PDE10A: variants seen among roughly 807,000 people sequenced by gnomAD.
PDE10A encodes the protein phosphodiesterase 10A.
PDE10A carries 39 observed loss-of-function variants against 97.7 expected under a neutral mutation model. The ratio of observed to expected loss-of-function variants is 0.40; its 90% confidence interval spans 0.31 to 0.52. The LOEUF is 0.52. PDE10A is among the 20% of genes least tolerant of loss of function. The pLI, the probability that PDE10A is intolerant of heterozygous loss-of-function variation, is 0.56. For missense variants in PDE10A, 731 were observed against 1,047.8 expected (o/e 0.70, Z 4.17); for synonymous variants, 371 against 376.8 (o/e 0.98, Z 0.18).
chr6:165,712,520 C>G (rs1429791128), intron 1 of PDE10A, among the ~76,000 whole-genome samples: 1 of 151,970 alleles, frequency 6.6e-6, no homozygotes, highest in African/African-American at 2.4e-5. Flanking sequence ...TGTGAAACAC[C>G]AAAGCGGCCT....
intron 17 of PDE10A, among the ~76,000 whole-genome samples, chr6:165,385,350 G>A (rs988801410): frequency 1.3e-5 from 2 of 151,998 alleles, no homozygotes; most frequent in African/African-American, 4.8e-5. Context: ...CTGAATACAG[G>A]GTTCAACTGC....
intron 13 of PDE10A, among the ~76,000 whole-genome samples, chr6:165,411,974 C>T (rs183694778): frequency 2.6e-3 from 399 of 152,062 alleles, no homozygotes; most frequent in African/African-American, 9.2e-3. Context: ...AATTCACGAA[C>T]AGTTATATTA....
rs77959019 is a variant in PDE10A at position 165,766,561 on chromosome 6, G to C, written c.-615+220968C>G. On this transcript the variant is annotated intron_variant, in intron 1 of 19. Transcript: ENST00000366882. ...GGTCAATCTTCCGTGGGATTGTTTT[G>C]CTTTTGCAAACTGGTCAAGTTCCTT... is the stretch of plus-strand genomic sequence containing the variant. Among the ~76,000 whole-genome samples, 813 of 152,310 alleles carry C rather than the reference G, an allele frequency of 5.3e-3. 10 individuals are homozygous for C. Among genetic ancestry groups the C allele is most frequent in the African/African-American group, 0.019 (771 of 41,570 alleles).
intron 2 of PDE10A, among the ~76,000 whole-genome samples, chr6:165,497,958 T>C (rs973614653): frequency 7.2e-5 from 11 of 152,328 alleles, no homozygotes; most frequent in Admixed American, 6.5e-4. Context: ...AAAATGGCTA[T>C]TTATAAACAT....
intron 18 of PDE10A, among the ~76,000 whole-genome samples, chr6:165,361,687 T>C (rs1413630151): frequency 6.6e-6 from 1 of 152,164 alleles, no homozygotes; most frequent in African/African-American, 2.4e-5. Flanking sequence ...TGGCATGTGA[T>C]GATGGAGGCA....
intron 1 of PDE10A, among the ~76,000 whole-genome samples, chr6:165,606,782 G>A (rs1482807199): frequency 2.0e-5 from 3 of 152,248 alleles, no homozygotes; most frequent in East Asian, 1.9e-4. Flanking sequence ...AGCATCTGCG[G>A]CTTGGTGTGA....
At chr6:165,452,285 A>G (rs1791351675) in intron 3 of PDE10A, among the ~76,000 whole-genome samples, 1 of 152,248 alleles carries the variant, frequency 6.6e-6, no homozygotes. Context: ...TGTCAGCACA[A>G]CCAACAGAAG....
At chr6:165,333,798 C>G (rs1400355612) in intron 21 of PDE10A, among the ~76,000 whole-genome samples, 1 of 152,198 alleles carries the variant, frequency 6.6e-6, no homozygotes, top group African/African-American at 2.4e-5. Context: ...ACTGCGTGAT[C>G]ACAACCACTG....
intron 1 of PDE10A, among the ~76,000 whole-genome samples, chr6:165,959,748 C>G (rs1251857821): frequency 1.3e-5 from 2 of 152,134 alleles, no homozygotes; most frequent in African/African-American, 2.4e-5. Context: ...AGAGGGCCCT[C>G]TCTCCCACTT....
intron 16 of PDE10A, among the ~76,000 whole-genome samples, chr6:165,390,287 G>A (rs1394381487): frequency 1.3e-5 from 2 of 152,216 alleles, no homozygotes; most frequent in Non-Finnish European, 2.9e-5. Context: ...CTCGCAAGGT[G>A]TGGGTCACTG....
intron 2 of PDE10A, among the ~76,000 whole-genome samples, chr6:165,538,446 G>A (rs962298094): frequency 2.0e-5 from 3 of 151,918 alleles, no homozygotes; most frequent in African/African-American, 7.3e-5. Context: ...AATGATTGTG[G>A]GTTCATCAAT....
rs1381142075 is a variant in PDE10A at position 165,662,341 on chromosome 6, G to A, written c.471C>T (p.Gly157=). The A allele has an allele frequency of 1.2e-5, 2 of 163,746 alleles. No individual in the cohort carries two copies. Among genetic ancestry groups the A allele is most frequent in the Non-Finnish European group, 2.5e-5 (2 of 78,452 alleles). The allele number at this position is 163,746 out of a possible 1,614,324, so 10.1% of individuals were successfully genotyped here. The change falls in exon 1 of 22, where the codon GGC becomes GGT. Residue 157 remains glycine, a synonymous_variant. Transcript: ENST00000539869. The part of the protein sequence containing the change: ...GAAAAAAAGG[G]GDAGGGGGGG... Reference sequence around the variant, plus strand: ...CTCCTCCTCCTCCGCCAGCATCGCCGCCTCCTCCCGCCGCCGCCGCCGCCG... The same window carrying A: ...CTCCTCCTCCTCCGCCAGCATCGCCACCTCCTCCCGCCGCCGCCGCCGCCG...
intron 1 of PDE10A, among the ~76,000 whole-genome samples, chr6:165,675,252 G>A (rs1790762329): frequency 6.6e-6 from 1 of 152,020 alleles, no homozygotes; most frequent in Non-Finnish European, 1.5e-5. Flanking sequence ...TGTTTTTGTT[G>A]AACATGTGCT....
chr6:165,508,238 A>G (rs553609359), intron 2 of PDE10A, among the ~76,000 whole-genome samples: 4 of 152,180 alleles, frequency 2.6e-5, no homozygotes, highest in African/African-American at 9.6e-5. Context: ...TGCCATCCCA[A>G]GCAACCATTG....
At chr6:165,361,820 G>T (rs547737033) in intron 18 of PDE10A, among the ~76,000 whole-genome samples, 10 of 152,058 alleles carry the variant, frequency 6.6e-5, no homozygotes, top group Non-Finnish European at 1.3e-4. Flanking sequence ...CAACGTTGCC[G>T]GTACCTTGAT....
chr6:165,436,210 G>A (rs1261827085), intron 5 of PDE10A, among the ~76,000 whole-genome samples: 2 of 152,062 alleles, frequency 1.3e-5, no homozygotes, highest in East Asian at 3.9e-4. Context: ...ATCTTATGTT[G>A]GATTACTCTA....
intron 13 of PDE10A, among the ~76,000 whole-genome samples, chr6:165,408,893 C>T (rs935573624): frequency 3.3e-5 from 5 of 151,992 alleles, no homozygotes; most frequent in East Asian, 1.9e-4. Flanking sequence ...GGGCAGGGCG[C>T]GGTGGCTCAC....
At chr6:165,599,987 C>A (rs1028442639) in intron 1 of PDE10A, among the ~76,000 whole-genome samples, 1 of 152,222 alleles carries the variant, frequency 6.6e-6, no homozygotes, top group Non-Finnish European at 1.5e-5. Context: ...GCCCTCCCAA[C>A]AGATTCCAAC....
At chr6:165,863,673 A>G (rs556590672) in intron 1 of PDE10A, among the ~76,000 whole-genome samples, 1 of 152,356 alleles carries the variant, frequency 6.6e-6, no homozygotes, top group East Asian at 1.9e-4. Context: ...AGTTAGTCAT[A>G]CAATACTTCA....
Sources: allele counts gnomAD v4.1 joint callset (sites outside exome capture counted in the v4.1 genomes callset), GRCh38; gene constraint gnomAD v4.1.1; transcripts MANE v1.5; gene names NCBI Gene and HGNC (gene_info 2026-07-23, HGNC 2026-07-21).